Variants in HMCN1 observed in about 807,000 individuals in gnomAD.
The protein encoded by HMCN1 is hemicentin 1.
A neutral mutation model predicts 625.9 loss-of-function variants in HMCN1; 321 were observed. The observed-to-expected ratio is 0.51, with a 90% CI of 0.47 to 0.56. The LOEUF is 0.56. Among genes scored for constraint, HMCN1 ranks in the 20% least tolerant of loss-of-function variants. The pLI, the probability that HMCN1 is intolerant of heterozygous loss-of-function variation, is 0.00. For missense variants in HMCN1, 6,588 were observed against 6,887.3 expected (o/e 0.96, Z 1.54); for synonymous variants, 2,425 against 2,417.6 (o/e 1.00, Z -0.09).
intron 97 of HMCN1, among the ~76,000 whole-genome samples, chr1:186,157,607 C>G (rs993565592): frequency 6.6e-6 from 1 of 152,182 alleles, no homozygotes; most frequent in Admixed American, 6.5e-5. Context: ...CACCCCAAAA[C>G]AGTCCCCAGA....
At chr1:185,806,971 G>A (rs928655144) in intron 1 of HMCN1, among the ~76,000 whole-genome samples, 16 of 152,118 alleles carry the variant, frequency 1.1e-4, no homozygotes, top group African/African-American at 3.6e-4. Flanking sequence ...GTTTCTCGAT[G>A]ATTGAAAATC....
chr1:186,114,788 C>CA, intron 73 of HMCN1, 31 bp from the exon 74 acceptor site: 1 of 1,613,530 alleles, frequency 6.2e-7, no homozygotes, highest in Non-Finnish European at 8.5e-7. Flanking sequence ...AAGGCTGATT[C>CA]AGAAGACTTC....
intron 11 of HMCN1, among the ~76,000 whole-genome samples, chr1:185,943,404 A>AC (rs1668179742): frequency 6.6e-6 from 1 of 152,172 alleles, no homozygotes; most frequent in Non-Finnish European, 1.5e-5. Context: ...AAGATACACA[A>AC]CCGTTGTCTG....
chr1:186,014,248 A>G (rs978176741), intron 30 of HMCN1, among the ~76,000 whole-genome samples: 4 of 151,844 alleles, frequency 2.6e-5, no homozygotes, highest in African/African-American at 9.7e-5. Context: ...ATTCTATTCT[A>G]AAACTTAAAA....
At chr1:186,028,723 A>ATTTTTTT (rs1221126852) in intron 36 of HMCN1, among the ~76,000 whole-genome samples, 3 of 98,530 alleles carry the variant, frequency 3.0e-5, no homozygotes, top group African/African-American at 1.7e-4. Context: ...TTTCTAAAGC[A>ATTTTTTT]TATTTTTTTT....
chr1:186,160,816 T>C (rs1225763545), intron 97 of HMCN1, among the ~76,000 whole-genome samples: 1 of 150,962 alleles, frequency 6.6e-6, no homozygotes, highest in African/African-American at 2.5e-5. Flanking sequence ...TCTTTTACAT[T>C]TGTTGAGGAG....
In HMCN1 at chr1:186,084,925, T is replaced by TA. The variant is rs564097162; in HGVS notation, c.8885-1320dup. Among the ~76,000 whole-genome samples, 139 of 152,244 alleles carry TA rather than the reference T, an allele frequency of 9.1e-4. 1 individual carries two copies. The highest frequency in any genetic ancestry group is 3.3e-3 in the African/African-American group (137 of 41,542). ...TGAGATTAAGTAACATGCTCAAAAT[T>TA]ACACAGCTTGCAAATGCTGCACCAG... is the stretch of plus-strand genomic sequence containing the variant. On this transcript the variant is annotated intron_variant, in intron 57 of 106. Transcript: ENST00000271588.
At chr1:186,056,224 T>C (rs1263132419) in intron 45 of HMCN1, among the ~76,000 whole-genome samples, 1 of 151,978 alleles carries the variant, frequency 6.6e-6, no homozygotes, top group Non-Finnish European at 1.5e-5. Flanking sequence ...TGGACACAAA[T>C]CTTGTAATTT....
chr1:186,044,670 A>C (rs953117739), intron 40 of HMCN1, among the ~76,000 whole-genome samples: 4 of 152,290 alleles, frequency 2.6e-5, no homozygotes, highest in Admixed American at 2.0e-4. Context: ...TGCTACAAAT[A>C]TGGCAAATTT....
chr1:186,051,198 G>C (rs952472417), intron 42 of HMCN1, among the ~76,000 whole-genome samples: 1 of 151,986 alleles, frequency 6.6e-6, no homozygotes, highest in Non-Finnish European at 1.5e-5. Context: ...AAAGGTGATA[G>C]AATAAACTAA....
intron 22 of HMCN1, among the ~76,000 whole-genome samples, 173 bp from the exon 23 acceptor site, chr1:185,993,009 A>G (rs1223409526): frequency 1.3e-5 from 2 of 152,202 alleles, no homozygotes; most frequent in Non-Finnish European, 2.9e-5. Context: ...AAAATCATAC[A>G]CAAGATAATT....
intron 36 of HMCN1, among the ~76,000 whole-genome samples, chr1:186,023,751 A>T (rs1388114576): frequency 6.6e-6 from 1 of 152,222 alleles, no homozygotes; most frequent in Admixed American, 6.5e-5. Flanking sequence ...AAAACTGTTC[A>T]AGATTTTCAT....
At chr1:186,085,006 C>T (rs908697392) in intron 57 of HMCN1, among the ~76,000 whole-genome samples, 2 of 152,098 alleles carry the variant, frequency 1.3e-5, no homozygotes, top group Non-Finnish European at 1.5e-5. Context: ...TCTCTAATGC[C>T]TCTCACTAAA....
At chr1:185,953,788 C>T (rs1649419366) in intron 11 of HMCN1, among the ~76,000 whole-genome samples, 1 of 151,768 alleles carries the variant, frequency 6.6e-6, no homozygotes, top group South Asian at 2.1e-4. Flanking sequence ...GTGAAGAGAC[C>T]ACCAAACAGG....
chr1:186,137,786 G>C lies in HMCN1; in HGVS notation c.13754-16G>C. The C allele has an allele frequency of 3.1e-6, 5 of 1,614,036 alleles. No homozygotes were observed. In the South Asian group the frequency reaches 4.4e-5, roughly 14 times the overall value. ...TTGAAATATACCTGATGGTGTAATG[G>C]TTCACCTTTGTATAGTGGATGGTAG... is the stretch of plus-strand genomic sequence containing the variant. On this transcript the variant is annotated splice_polypyrimidine_tract_variant and intron_variant, in intron 88 of 106. Coordinates refer to ENST00000271588, the MANE Select transcript of HMCN1 (RefSeq NM_031935.3).
intron 2 of HMCN1, among the ~76,000 whole-genome samples, chr1:185,850,328 G>A (rs543052411): frequency 1.3e-5 from 2 of 152,294 alleles, no homozygotes; most frequent in South Asian, 2.1e-4. Flanking sequence ...GAAGGGCCAA[G>A]TAATGGGAAT....
intron 1 of HMCN1, among the ~76,000 whole-genome samples, chr1:185,812,257 A>C (rs562179197): frequency 1.2e-4 from 18 of 152,226 alleles, no homozygotes; most frequent in African/African-American, 3.1e-4. Flanking sequence ...TTTTACTAAA[A>C]CATTGATTTT....
At chr1:185,827,386 A>G (rs1403453169) in intron 1 of HMCN1, among the ~76,000 whole-genome samples, 3 of 152,068 alleles carry the variant, frequency 2.0e-5, no homozygotes, top group Admixed American at 6.5e-5. Flanking sequence ...GAATGCCAAT[A>G]AAAAATAAAA....
At position 186,112,953 on chromosome 1, in the gene HMCN1, G is replaced by A. The variant is rs1230812028; in HGVS notation, c.11131G>A (p.Val3711Ile). 3 of 1,613,630 alleles carry A rather than the reference G, an allele frequency of 1.9e-6. No homozygotes were observed. Among genetic ancestry groups the A allele is most frequent in the African/African-American group, 2.7e-5 (2 of 74,894 alleles). The change falls in exon 72 of 107, where the codon GTT becomes ATT. Residue 3711 changes from valine to isoleucine, a missense_variant and splice_region_variant. By Grantham distance (29) the Val-to-Ile change is conservative. Transcript: ENST00000271588. ...AAGAGAATTTATTCTCACTGTAAAT[G>A]GTAAGAAAAGGTATTCATTGTTCCA... Reference protein sequence around the residue: ...TTREFILTVNVPPNIKGGPQS... With the variant: ...TTREFILTVNIPPNIKGGPQS...
Sources: gnomAD v4.1 joint callset for allele counts (sites outside exome capture counted in the v4.1 genomes callset) on GRCh38, gnomAD v4.1.1 for gene constraint, MANE v1.5 for transcripts, NCBI Gene and HGNC (gene_info 2026-07-23, HGNC 2026-07-21) for gene names.